ADI1: variants seen among roughly 807,000 people sequenced by gnomAD.
ADI1 encodes acireductone dioxygenase 1.
ADI1 carries 21 observed loss-of-function variants against 18.7 expected under a neutral mutation model. The ratio of observed to expected loss-of-function variants is 1.13; its 90% CI spans 0.80 to 1.62. The LOEUF is 1.62. Among genes scored for constraint, ADI1 ranks in the 40% most tolerant of loss-of-function variants. ADI1 has a pLI of 0.00. For missense variants in ADI1, 245 were observed against 254.9 expected, an observed-to-expected ratio of 0.96 and a Z score of 0.26; for synonymous variants, 90 against 100.1, an observed-to-expected ratio of 0.90 and a Z score of 0.60.
At chr2:3,505,916 G>A (rs9750132) in intron 2 of ADI1, among the ~76,000 whole-genome samples, 31,738 of 152,150 alleles carry the variant, frequency 0.21, 3,517 homozygotes, top group African/African-American at 0.27. Flanking sequence ...AAACACAGTC[G>A]TCTATAAACC....
intron 2 of ADI1, among the ~76,000 whole-genome samples, chr2:3,502,732 G>A (rs550830676): frequency 1.3e-5 from 2 of 152,240 alleles, no homozygotes; most frequent in African/African-American, 4.8e-5. Context: ...TTACAGGCGT[G>A]AGCCACCGCA....
chr2:3,508,334 CAAAAAAAAAAAAAA>C lies in ADI1; in HGVS notation c.240+5509_240+5522del, dbSNP rs33977448. Among the ~76,000 whole-genome samples the C allele has an allele frequency of 1.9e-4, 5 of 26,924 alleles. No homozygotes were observed. In the East Asian group the frequency reaches 5.1e-3, roughly 27 times the overall value. 17.7% of individuals were successfully genotyped at this position (26,924 alleles called of 152,430 possible). On this transcript the variant is annotated intron_variant, in intron 2 of 3. Transcript: ENST00000327435. ...TGGGCAACAGAGTGAGACTCTGTCTCAAAAAAAAAAAAAAAAAAAAAAAAAACAATAACAAAGAA... is the reference window on the plus strand; with the variant it reads ...TGGGCAACAGAGTGAGACTCTGTCTCAAAAAAAAAAAACAATAACAAAGAA...
At chr2:3,514,065 T>C (rs1667346950) in intron 1 of ADI1, 89 bp from the exon 2 acceptor site, 1 of 1,432,148 alleles carries the variant, frequency 7.0e-7, no homozygotes, top group African/African-American at 1.4e-5. Flanking sequence ...TATGATTTTA[T>C]ACTCCAAATT....
intron 2 of ADI1, among the ~76,000 whole-genome samples, chr2:3,510,143 CA>C (rs757457209): frequency 0.06 from 4,006 of 66,626 alleles, 82 homozygotes; most frequent in Middle Eastern, 0.18. Context: ...AACTCTGTCT[CA>C]AAAAAAAAAA....
In ADI1 at chr2:3,506,544, C is replaced by A. The variant is rs145149289; in HGVS notation, c.241-5551G>T. 8.7e-3 allele frequency among the ~76,000 whole-genome samples: 1,329 copies of A among 152,248 alleles called. 27 individuals carry two copies. The highest frequency in any genetic ancestry group is 0.068 in the South Asian group (328 of 4,824). The stretch of plus-strand genomic sequence containing the variant: ...ACTACAAAACTCTGATGAAACAAAT[C>A]AAAAACTAAACAAATGGAGAGAAAT... On this transcript the variant is annotated intron_variant, in intron 2 of 3. Transcript: ENST00000327435.
chr2:3,517,754 A>C (rs78873014), intron 1 of ADI1: 2 of 132,976 alleles, frequency 1.5e-5, no homozygotes, highest in African/African-American at 3.1e-5. Flanking sequence ...CAAAAAGAGC[A>C]AAAAAAAAAA....
chr2:3,502,031 ACACACACACAC>A (rs758215249), intron 2 of ADI1, among the ~76,000 whole-genome samples: 28,150 of 127,344 alleles, frequency 0.22, 2,774 homozygotes, highest in African/African-American at 0.34. Flanking sequence ...ACACACACAC[ACACACACACAC>A]AGAGACAGGG....
intron 3 of ADI1, 102 bp from the exon 4 acceptor site, chr2:3,499,184 C>A: frequency 6.9e-7 from 1 of 1,439,216 alleles, no homozygotes; most frequent in Non-Finnish European, 9.2e-7. Context: ...GCTATAAACA[C>A]TTTACTTGCT....
chr2:3,502,294 G>T (rs1450328757), intron 2 of ADI1, among the ~76,000 whole-genome samples: 1 of 152,108 alleles, frequency 6.6e-6, no homozygotes, highest in Non-Finnish European at 1.5e-5. Context: ...GCCTCCCAAA[G>T]CACTGGGATT....
At chr2:3,511,348 A>G (rs530702812) in intron 2 of ADI1, among the ~76,000 whole-genome samples, 1 of 151,226 alleles carries the variant, frequency 6.6e-6, no homozygotes, top group East Asian at 2.0e-4. Flanking sequence ...CTTATAATTT[A>G]CTTCTAAATT....
chr2:3,504,408 G>C (rs1012238883), intron 2 of ADI1, among the ~76,000 whole-genome samples: 3 of 152,232 alleles, frequency 2.0e-5, no homozygotes, highest in African/African-American at 7.2e-5. Context: ...CAGCAGGCCA[G>C]CCTCTGTTAT....
At chr2:3,506,865 C>T (rs1667186797) in intron 2 of ADI1, among the ~76,000 whole-genome samples, 1 of 152,124 alleles carries the variant, frequency 6.6e-6, no homozygotes, top group African/African-American at 2.4e-5. Context: ...TGATCTTTGA[C>T]AAAGGACCAA....
chr2:3,515,122 G>A, intron 1 of ADI1: 1 of 248,626 alleles, frequency 4.0e-6, no homozygotes, highest in South Asian at 8.7e-5. Context: ...AGGGAACAAG[G>A]GAAGACAACC....
Position 3,519,405 on chromosome 2 carries a change from AG to A in ADI1, c.82del (p.Leu28TrpfsTer25). 7.1e-7 allele frequency: 1 copy of A among 1,403,830 alleles called. No homozygotes were observed. The highest frequency in any genetic ancestry group is 1.5e-5 in the South Asian group (1 of 64,838). The allele number at this position is 1,403,830 out of a possible 1,614,324, so 87.0% of individuals were successfully genotyped here. On this transcript the variant is annotated frameshift_variant, in exon 1 of 4. Coordinates refer to ENST00000327435, the MANE Select transcript of ADI1 (RefSeq NM_018269.4). LOFTEE classifies it high-confidence loss of function. The stretch of plus-strand genomic sequence containing the variant: ...CACCCCGAGCCGCCGCAGCTGCTCC[AG>A]GCCCACTGGGCGGCCGGGGTCGGGG... ...HRPDPGRPVG[L>X]EQLRRLGVLY... is the part of the protein sequence containing the mutation.
At chr2:3,504,185 G>A (rs916530956) in intron 2 of ADI1, among the ~76,000 whole-genome samples, 3 of 152,120 alleles carry the variant, frequency 2.0e-5, no homozygotes, top group African/African-American at 4.8e-5. Context: ...AGGGGCCCTC[G>A]GACACGCTTA....
chr2:3,500,068 GAAA>G (rs60929236), intron 3 of ADI1, among the ~76,000 whole-genome samples: 1 of 85,904 alleles, frequency 1.2e-5, no homozygotes, highest in South Asian at 3.6e-4. Flanking sequence ...CCATCTCAAA[GAAA>G]AAAAAAAAAA....
At position 3,519,424 on chromosome 2, in the gene ADI1, G is replaced by T. The variant is rs1207263571; in HGVS notation, c.64C>A (p.Pro22Thr). 2 of 1,378,084 alleles carry T rather than the reference G, an allele frequency of 1.5e-6. No homozygotes were observed. Among genetic ancestry groups the T allele is most frequent in the Non-Finnish European group, 1.9e-6 (2 of 1,073,214 alleles). The allele number at this position is 1,378,084 out of a possible 1,614,324, so 85.4% of individuals were successfully genotyped here. A position where few individuals can be genotyped will look rare whatever the true frequency, so the allele number is the denominator to read the frequency against. ...GDPRQPHRPD[P>T]GRPVGLEQLR... is the part of the protein sequence containing the mutation. ...TGCTCCAGGCCCACTGGGCGGCCGG[G>T]GTCGGGGCGGTGGGGTTGCCGCGGG... Residue 22 changes from proline to threonine, a missense_variant, in exon 1 of 4, where the codon CCC becomes ACC. Pro to Thr is a conservative substitution (Grantham distance 38). Coordinates refer to ENST00000327435, the MANE Select transcript of ADI1 (RefSeq NM_018269.4).
Position 3,512,051 on chromosome 2 carries a change from G to A in ADI1, c.240+1806C>T, listed in dbSNP as rs145237900. ...CTAACAGCCTATGCGCAGATGCAAG[G>A]GCAAAGGAATGACCTGAAGTTGGAA... On this transcript the variant is annotated intron_variant, in intron 2 of 3. Coordinates refer to ENST00000327435, the MANE Select transcript of ADI1 (RefSeq NM_018269.4). Among the ~76,000 whole-genome samples the A allele has an allele frequency of 3.5e-3, 534 of 152,330 alleles. 3 individuals carry two copies. The highest frequency in any genetic ancestry group is 0.012 in the African/African-American group (511 of 41,580).
chr2:3,508,433 T>C (rs892700619), intron 2 of ADI1, among the ~76,000 whole-genome samples: 1 of 145,698 alleles, frequency 6.9e-6, no homozygotes, highest in African/African-American at 2.5e-5. Flanking sequence ...ACTGTATTAA[T>C]AACCAATTTA....
Sources: gnomAD v4.1 joint callset for allele counts (sites outside exome capture counted in the v4.1 genomes callset) on GRCh38, gnomAD v4.1.1 for gene constraint, MANE v1.5 for transcripts, NCBI Gene and HGNC (gene_info 2026-07-23, HGNC 2026-07-21) for gene names.